MAPK9: variants seen among roughly 807,000 people sequenced by gnomAD.
MAPK9 encodes the protein Jun kinase.
A neutral mutation model predicts 57.1 loss-of-function variants in MAPK9; 30 were observed. The ratio of observed to expected loss-of-function variants is 0.53; its 90% CI spans 0.39 to 0.71. MAPK9 has a LOEUF of 0.71. Ranked by LOEUF, MAPK9 falls within the 30% of genes least tolerant of loss-of-function variation. MAPK9 has a pLI of 0.00. For synonymous variants in MAPK9, 155 were observed against 177.0 expected, an observed-to-expected ratio of 0.88 and a Z score of 0.99; for missense variants, 362 against 521.0, an observed-to-expected ratio of 0.69 and a Z score of 2.97.
At chr5:180,267,304 G>A (rs1760677564) in intron 3 of MAPK9, among the ~76,000 whole-genome samples, 1 of 152,088 alleles carries the variant, frequency 6.6e-6, no homozygotes, top group Non-Finnish European at 1.5e-5. Context: ...GCTCACGCCT[G>A]TAATCCCAGC....
Position 180,235,259 on chromosome 5 carries a change from AC to A in MAPK9, c.*1124del, listed in dbSNP as rs1757094033. 1 of 152,252 alleles carries A rather than the reference AC, an allele frequency of 6.6e-6. No homozygotes were observed. Among genetic ancestry groups the A allele is most frequent in the African/African-American group, 2.4e-5 (1 of 41,460 alleles). 9.4% of individuals were successfully genotyped at this position (152,252 alleles called of 1,614,324 possible). On this transcript the variant is annotated 3_prime_UTR_variant, in exon 12 of 12. Coordinates refer to ENST00000452135, the MANE Select transcript of MAPK9 (RefSeq NM_002752.5). ...CCAACAATGGAGAGCAACAATAGCA[AC>A]AGGCATCTGAATCAGCCTGGCCTCT...
At chr5:180,261,938 A>C (rs1760007806) in intron 4 of MAPK9, 116 bp from the exon 5 acceptor site, 1 of 789,738 alleles carries the variant, frequency 1.3e-6, no homozygotes, top group African/African-American at 1.8e-5. Flanking sequence ...TAAAAAGATA[A>C]CTTGGTATAA....
rs1008799891 is a variant in MAPK9, at chr5:180,236,330, G to A, written c.*54C>T. ...TTCCATCAACTCCCAAGCATTTCAG[G>A]CCCACGGAGGTGAGAGTTCCTTCAA... is the stretch of plus-strand genomic sequence containing the variant. On this transcript the variant is annotated 3_prime_UTR_variant, in exon 12 of 12. Coordinates refer to ENST00000452135, the MANE Select transcript of MAPK9 (RefSeq NM_002752.5). The A allele has an allele frequency of 1.2e-5, 18 of 1,542,382 alleles. No individual in the cohort carries two copies. The highest frequency in any genetic ancestry group is 3.7e-4 in the Middle Eastern group (2 of 5,380).
intron 2 of MAPK9, among the ~76,000 whole-genome samples, chr5:180,279,375 C>T (rs1391073195): frequency 6.6e-6 from 1 of 152,194 alleles, no homozygotes; most frequent in Non-Finnish European, 1.5e-5. Flanking sequence ...CAGTCCCTTT[C>T]CCGCCTTAGC....
Position 180,236,381 on chromosome 5 carries a change from C to A in MAPK9, c.*3G>T, listed in dbSNP as rs1477287568. On this transcript the variant is annotated 3_prime_UTR_variant, in exon 12 of 12. Coordinates refer to ENST00000452135, the MANE Select transcript of MAPK9 (RefSeq NM_002752.5). ...TGCTGACAGGTTTGCTATTTCTAAC[C>A]TATCATCGACAGCCTTCAAGGGGTC... 1 of 1,603,214 alleles carries A rather than the reference C, an allele frequency of 6.2e-7. No individual in the cohort carries two copies. Among genetic ancestry groups the A allele is most frequent in the Non-Finnish European group, 8.5e-7 (1 of 1,171,944 alleles).
chr5:180,279,595 A>T (rs1762129271), intron 2 of MAPK9, among the ~76,000 whole-genome samples: 1 of 152,094 alleles, frequency 6.6e-6, no homozygotes, highest in Non-Finnish European at 1.5e-5. Context: ...CTTCTCCCTC[A>T]ACCCCCTCTG....
chr5:180,272,389 G>A (rs1761414761), intron 2 of MAPK9, among the ~76,000 whole-genome samples: 1 of 152,172 alleles, frequency 6.6e-6, no homozygotes, highest in African/African-American at 2.4e-5. Flanking sequence ...CAGTGAGGAG[G>A]CTTATGCCCG....
intron 1 of MAPK9, among the ~76,000 whole-genome samples, chr5:180,286,161 T>C (rs1762738653): frequency 7.0e-6 from 1 of 142,770 alleles, no homozygotes; most frequent in African/African-American, 2.5e-5. Context: ...TTTTTTTTTT[T>C]TTGAGACGGA....
intron 7 of MAPK9, chr5:180,246,952 T>C (rs1421417441): frequency 1.3e-5 from 2 of 155,762 alleles, no homozygotes; most frequent in Non-Finnish European, 2.8e-5. Flanking sequence ...AGGTCCTTTG[T>C]AATGTGCTTC....
At position 180,261,753 on chromosome 5, in the gene MAPK9, T is replaced by C; in HGVS notation, c.381A>G (p.Arg127=). The C allele has an allele frequency of 6.2e-7, 1 of 1,613,492 alleles. No individual in the cohort carries two copies. Among genetic ancestry groups the C allele is most frequent in the Non-Finnish European group, 8.5e-7 (1 of 1,179,530 alleles). The change falls in exon 5 of 12, where the codon AGA becomes AGG. Residue 127 remains arginine, a synonymous_variant. Transcript: ENST00000452135. Reference sequence around the variant, plus strand: ...GCATCTGGTAAAGAAGGTAGGACATTCTTTCATGATCCAGCTCCATGTGAA... The same window carrying C: ...GCATCTGGTAAAGAAGGTAGGACATCCTTTCATGATCCAGCTCCATGTGAA... ...QVIHMELDHE[R]MSYLLYQMLC...
chr5:180,267,487 G>A (rs566140634), intron 3 of MAPK9, among the ~76,000 whole-genome samples: 18 of 150,564 alleles, frequency 1.2e-4, no homozygotes, highest in African/African-American at 1.9e-4. Flanking sequence ...GCGTGAACCT[G>A]GGAGGCGGAG....
intron 3 of MAPK9, among the ~76,000 whole-genome samples, chr5:180,265,945 C>G (rs6866937): frequency 6.6e-6 from 1 of 152,180 alleles, no homozygotes; most frequent in Non-Finnish European, 1.5e-5. Context: ...ATAATCCTAG[C>G]GTAGAAAATC....
intron 4 of MAPK9, among the ~76,000 whole-genome samples, chr5:180,262,297 T>TACA (rs777315645): frequency 1.3e-5 from 2 of 152,144 alleles, no homozygotes; most frequent in African/African-American, 4.8e-5. Flanking sequence ...AAAGTGATTA[T>TACA]ACAACAACAA....
intron 5 of MAPK9, among the ~76,000 whole-genome samples, chr5:180,254,806 G>T (rs1008162677): frequency 4.6e-5 from 7 of 152,170 alleles, no homozygotes; most frequent in Non-Finnish European, 7.4e-5. Context: ...AGGCCGAGGC[G>T]GGCGGATCAC....
At chr5:180,262,093 G>A (rs1437374243) in intron 4 of MAPK9, among the ~76,000 whole-genome samples, 2 of 151,590 alleles carry the variant, frequency 1.3e-5, no homozygotes, top group African/African-American at 4.8e-5. Flanking sequence ...TTACATTTTT[G>A]GCTGAAATTC....
rs1293253162 is a variant in MAPK9 at position 180,241,156 on chromosome 5, C to T, written c.872-1G>A. On this transcript the variant is annotated splice_acceptor_variant, in intron 8 of 11. Transcript: ENST00000452135. LOFTEE classifies it high-confidence loss of function. ...GATAACAGATCTCTGGCTTGACTTGCTAGGGTGACAACAAATATTAAATTA... is the reference window on the plus strand; with the variant it reads ...GATAACAGATCTCTGGCTTGACTTGTTAGGGTGACAACAAATATTAAATTA... 1.9e-6 allele frequency: 3 copies of T among 1,609,698 alleles called. No homozygotes were observed. The African/African-American group carries it at 4.0e-5, about 22-fold the overall frequency.
chr5:180,284,271 C>T (rs909078078), intron 1 of MAPK9, among the ~76,000 whole-genome samples: 3 of 152,248 alleles, frequency 2.0e-5, no homozygotes, highest in African/African-American at 7.2e-5. Context: ...CCACACCAGC[C>T]GGTGCTGGTT....
Position 180,247,553 on chromosome 5 carries a change from CA to C in MAPK9, c.617-44del. 1 of 1,552,638 alleles carries C rather than the reference CA, an allele frequency of 6.4e-7. No individual in the cohort carries two copies. Among genetic ancestry groups the C allele is most frequent in the East Asian group, 2.3e-5 (1 of 44,274 alleles). On this transcript the variant is annotated intron_variant, in intron 6 of 11. Transcript: ENST00000452135. The surrounding 1 kb of genome is among the most constrained non-coding windows in gnomAD (Gnocchi z 4.5). ...TGATAAAATTATGAAGTGCCATGAA[CA>C]AAACAAAAGTGAGGAAAAGGAATTC...
chr5:180,284,825 A>G (rs1269392809), intron 1 of MAPK9, among the ~76,000 whole-genome samples: 1 of 152,218 alleles, frequency 6.6e-6, no homozygotes, highest in Admixed American at 6.5e-5. Context: ...TTATGTATCA[A>G]TGTGGAAAGA....
Sources: allele counts gnomAD v4.1 joint callset (sites outside exome capture counted in the v4.1 genomes callset), GRCh38; gene constraint gnomAD v4.1.1; non-coding constraint Gnocchi (gnomAD v3.1); transcripts MANE v1.5; gene names NCBI Gene and HGNC (gene_info 2026-07-23, HGNC 2026-07-21).